The following APLP2 variants were observed in gnomAD, a reference collection of about 807,000 sequenced individuals.
The protein encoded by APLP2 is amyloid beta precursor like protein 2, also known as CDEI box-binding protein.
A neutral mutation model predicts 89.9 loss-of-function variants in APLP2; 53 were observed. That is an observed-to-expected ratio of 0.59 (90% CI 0.47 to 0.74). The LOEUF (loss-of-function observed/expected upper bound fraction) is 0.74. APLP2 is among the 30% of genes least tolerant of loss of function. APLP2 has a pLI of 0.00. For synonymous variants in APLP2, 372 were observed against 348.6 expected (o/e 1.07, Z -0.75); for missense variants, 973 against 975.9 (o/e 1.00, Z 0.04).
chr11:130,117,815 G>A (rs1044025468), intron 3 of APLP2, among the ~76,000 whole-genome samples: 1 of 152,196 alleles, frequency 6.6e-6, no homozygotes, highest in Admixed American at 6.5e-5. Context: ...GCTCACGCCT[G>A]TAATCCCAAC....
At chr11:130,107,088 G>C (rs896452049) in intron 1 of APLP2, among the ~76,000 whole-genome samples, 3 of 152,156 alleles carry the variant, frequency 2.0e-5, no homozygotes, top group Non-Finnish European at 4.4e-5. Context: ...TCTTGCATTA[G>C]AGCCCCAAGA....
At chr11:130,114,888 T>G (rs1411932604) in intron 3 of APLP2, among the ~76,000 whole-genome samples, 1 of 152,230 alleles carries the variant, frequency 6.6e-6, no homozygotes, top group Non-Finnish European at 1.5e-5. Flanking sequence ...ATTTGTACCT[T>G]GGTCTGTTGG....
At chr11:130,086,668 G>A (rs1332299906) in intron 1 of APLP2, among the ~76,000 whole-genome samples, 1 of 152,100 alleles carries the variant, frequency 6.6e-6, no homozygotes, top group Non-Finnish European at 1.5e-5. Context: ...TTAAGCTTAG[G>A]TCTTTGATCC....
At chr11:130,132,505 AC>A (rs1436229242) in intron 11 of APLP2, among the ~76,000 whole-genome samples, 2 of 152,172 alleles carry the variant, frequency 1.3e-5, no homozygotes, top group East Asian at 1.9e-4. Context: ...TGTGGGAGCT[AC>A]AGCAACACAC....
intron 1 of APLP2, among the ~76,000 whole-genome samples, chr11:130,098,463 T>C (rs990499742): frequency 2.6e-5 from 4 of 152,110 alleles, no homozygotes; most frequent in African/African-American, 9.7e-5. Context: ...TTTTCCCAGA[T>C]ACGTTAAAGG....
chr11:130,135,672 G>GTTCCACCCC lies in APLP2; in HGVS notation c.1808_1816dup (p.His603_Phe605dup), dbSNP rs374249630. The GTTCCACCCC allele has an allele frequency of 1.9e-6, 3 of 1,613,906 alleles. No homozygotes were observed. The highest frequency in any genetic ancestry group is 1.7e-6 in the Non-Finnish European group (2 of 1,180,014). On this transcript the variant is annotated inframe_insertion, in exon 13 of 17. Coordinates refer to ENST00000338167, the MANE Select transcript of APLP2 (RefSeq NM_001142276.2). The stretch of plus-strand genomic sequence containing the variant: ...CTGAGGAGAGTGAGGAGATCCCACC[G>GTTCCACCCC]TTCCACCCCTTCCACCCCTTCCCAG...
rs185374742 is a variant in APLP2, at chr11:130,089,094, C to T, written c.105+19012C>T. On this transcript the variant is annotated intron_variant, in intron 1 of 16. Coordinates refer to ENST00000338167, the MANE Select transcript of APLP2 (RefSeq NM_001142276.2). The stretch of plus-strand genomic sequence containing the variant: ...CCGTCCAATTTCTTTGGCTGTTAGC[C>T]TTGCCATTCTCCCAGTTGTCAGAAT... 5.3e-5 allele frequency among the ~76,000 whole-genome samples: 8 copies of T among 152,304 alleles called. No homozygotes were observed. The East Asian group carries it at 1.5e-3, about 29-fold the overall frequency.
chr11:130,113,956 T>C (rs901261997), intron 3 of APLP2, among the ~76,000 whole-genome samples: 5 of 152,150 alleles, frequency 3.3e-5, no homozygotes, highest in African/African-American at 1.2e-4. Context: ...ACACACATAC[T>C]CGAGGTTTGT....
intron 1 of APLP2, among the ~76,000 whole-genome samples, chr11:130,089,634 A>G (rs932044392): frequency 6.6e-6 from 1 of 152,168 alleles, no homozygotes; most frequent in African/African-American, 2.4e-5. Context: ...CAAAGATGCC[A>G]CAAATGGAGT....
Position 130,123,559 on chromosome 11 carries a change from G to A in APLP2, c.923-53G>A. 2 of 1,557,372 alleles carry A rather than the reference G, an allele frequency of 1.3e-6. No homozygotes were observed. Among genetic ancestry groups the A allele is most frequent in the Non-Finnish European group, 8.7e-7 (1 of 1,147,364 alleles). On this transcript the variant is annotated intron_variant, in intron 6 of 16. Transcript: ENST00000338167. The surrounding 1 kb of genome is among the most constrained non-coding windows in gnomAD (Gnocchi z 4.0). ...GCTCGCCAGCCTGTAGCATTTTGAA[G>A]CATTTGACGTCACTGCCTCTGTCCT...
chr11:130,116,987 T>C (rs1192325094), intron 3 of APLP2, among the ~76,000 whole-genome samples: 3 of 151,840 alleles, frequency 2.0e-5, no homozygotes, highest in East Asian at 3.9e-4. Context: ...AAAAATTAGC[T>C]GGGTGTGGTG....
At chr11:130,105,075 A>G (rs1189060935) in intron 1 of APLP2, among the ~76,000 whole-genome samples, 2 of 152,248 alleles carry the variant, frequency 1.3e-5, no homozygotes, top group Non-Finnish European at 1.5e-5. Context: ...GTTCATCAGC[A>G]TAAATAAATT....
At chr11:130,116,705 C>T (rs1591817604) in intron 3 of APLP2, among the ~76,000 whole-genome samples, 1 of 152,142 alleles carries the variant, frequency 6.6e-6, no homozygotes, top group South Asian at 2.1e-4. Flanking sequence ...CTCCTAACCT[C>T]AAGTGATCCA....
intron 16 of APLP2, 103 bp downstream of exon 16, chr11:130,142,177 T>A (rs1952502552): frequency 1.5e-6 from 2 of 1,291,948 alleles, no homozygotes; most frequent in South Asian, 3.4e-5. Context: ...GTACTGGACA[T>A]GCTGCTGTTA....
intron 12 of APLP2, 22 bp from the exon 13 acceptor site, chr11:130,135,541 T>C: frequency 6.2e-7 from 1 of 1,611,252 alleles, no homozygotes; most frequent in South Asian, 1.1e-5. Context: ...CTGCTTTCTG[T>C]CCCCTGCCCT....
At chr11:130,074,667 C>T (rs376761927) in intron 1 of APLP2, among the ~76,000 whole-genome samples, 3 of 152,072 alleles carry the variant, frequency 2.0e-5, no homozygotes, top group African/African-American at 7.2e-5. Context: ...GAAAAATGAC[C>T]TAAAATCTTA....
chr11:130,069,983 G>A lies in APLP2; in HGVS notation c.6G>A (p.Ala2=). Residue 2 remains alanine (A), a synonymous_variant, in exon 1 of 17, where the codon GCG becomes GCA. Coordinates refer to ENST00000338167, the MANE Select transcript of APLP2 (RefSeq NM_001142276.2). M[A]ATGTAAAAAT... ...CTAGAGCGACCCGGCGAGGGATGGCGGCCACCGGGACCGCGGCCGCCGCAG... is the reference window on the plus strand; with the variant it reads ...CTAGAGCGACCCGGCGAGGGATGGCAGCCACCGGGACCGCGGCCGCCGCAG... 3.3e-6 allele frequency: 5 copies of A among 1,504,860 alleles called. No homozygotes were observed. The South Asian group carries it at 6.1e-5, about 18-fold the overall frequency. The allele number at this position is 1,504,860 out of a possible 1,614,324, so 93.2% of individuals were successfully genotyped here. A position where few individuals can be genotyped will look rare whatever the true frequency, so the allele number is the denominator to read the frequency against.
At chr11:130,112,642 C>G (rs1948730391) in intron 3 of APLP2, among the ~76,000 whole-genome samples, 1 of 152,136 alleles carries the variant, frequency 6.6e-6, no homozygotes, top group Non-Finnish European at 1.5e-5. Context: ...TCCCACTGCC[C>G]TAGCTCAGCC....
rs139145033 is a variant in APLP2 at position 130,109,581 on chromosome 11, A to T, written c.258A>T (p.Glu86Asp). Residue 86 changes from glutamate to aspartate, a missense_variant, in exon 2 of 17, where the codon GAA becomes GAT. Transcript: ENST00000338167. ...GTKSCFETKE[E>D]VLQYCQEMYP... Reference sequence around the variant, plus strand: ...AGAGCTGCTTTGAAACAAAAGAAGAAGTTCTTCAGTACTGTCAGGAGGTAA... The same window carrying T: ...AGAGCTGCTTTGAAACAAAAGAAGATGTTCTTCAGTACTGTCAGGAGGTAA... The T allele has an allele frequency of 4.5e-5, 73 of 1,613,286 alleles. No homozygotes were observed. Among genetic ancestry groups the T allele is most frequent in the East Asian group, 2.5e-4 (11 of 44,794 alleles).
Sources: allele counts gnomAD v4.1 joint callset (sites outside exome capture counted in the v4.1 genomes callset), GRCh38; gene constraint gnomAD v4.1.1; non-coding constraint Gnocchi (gnomAD v3.1); transcripts MANE v1.5; gene names NCBI Gene and HGNC (gene_info 2026-07-23, HGNC 2026-07-21).